HEATR5B: variants seen among roughly 807,000 people sequenced by gnomAD.
The protein encoded by HEATR5B is HEAT repeat-containing protein 5B.
Under a neutral mutation model 224.1 loss-of-function variants are expected in HEATR5B, and 156 were observed. The ratio of observed to expected loss-of-function variants is 0.70; its 90% CI spans 0.61 to 0.80. The LOEUF (loss-of-function observed/expected upper bound fraction) is 0.80. Among genes scored for constraint, HEATR5B ranks in the 30% least tolerant of loss-of-function variants. HEATR5B has a pLI of 0.00. For missense variants in HEATR5B, 2,323 were observed against 2,535.5 expected (o/e 0.92, Z 1.80); for synonymous variants, 1,027 against 893.0 (o/e 1.15, Z -2.68).
At chr2:37,014,856 G>A (rs1460919957) in intron 26 of HEATR5B, among the ~76,000 whole-genome samples, 1 of 151,868 alleles carries the variant, frequency 6.6e-6, no homozygotes, top group Non-Finnish European at 1.5e-5. Context: ...GGTGGCGTGT[G>A]TCTGTAATCC....
Position 37,077,037 on chromosome 2 carries a change from T to C in HEATR5B, c.339-18A>G. 6.5e-7 allele frequency: 1 copy of C among 1,548,034 alleles called. No homozygotes were observed. The highest frequency in any genetic ancestry group is 8.9e-7 in the Non-Finnish European group (1 of 1,121,994). ...CCGCAGCCCTGTAAGAAGTGACAAC[T>C]TCACTAGTCATTGTCCAGGTTAATG... On this transcript the variant is annotated intron_variant, in intron 3 of 35. Coordinates refer to ENST00000233099, the MANE Select transcript of HEATR5B (RefSeq NM_019024.3).
chr2:37,031,716 G>A (rs1011411924), intron 22 of HEATR5B, among the ~76,000 whole-genome samples: 8 of 151,956 alleles, frequency 5.3e-5, no homozygotes, highest in African/African-American at 1.9e-4. Context: ...AAGTTCTTAT[G>A]CTATGCTACA....
chr2:37,079,092 A>C (rs1477851368), intron 3 of HEATR5B, 28 bp downstream of exon 3: 1 of 1,382,226 alleles, frequency 7.2e-7, no homozygotes, highest in Non-Finnish European at 1.0e-6. Flanking sequence ...ATAAAACTTC[A>C]AGGGCCCCTA....
chr2:36,984,225 T>TATATATATATATATATATATATATA (rs1242428169), intron 35 of HEATR5B, among the ~76,000 whole-genome samples: 13 of 75,274 alleles, frequency 1.7e-4, no homozygotes, highest in African/African-American at 7.9e-4. Context: ...AATATATATA[T>TATATATATATATATATATATATATA]ATATATATAT....
intron 25 of HEATR5B, 64 bp from the exon 26 acceptor site, chr2:37,019,941 T>TC: frequency 8.4e-7 from 1 of 1,194,540 alleles, no homozygotes; most frequent in Non-Finnish European, 1.2e-6. Flanking sequence ...TCTTACTCTA[T>TC]CACCCAGGCT....
At chr2:37,066,921 G>A (rs978879668) in intron 8 of HEATR5B, among the ~76,000 whole-genome samples, 5 of 151,872 alleles carry the variant, frequency 3.3e-5, no homozygotes, top group Non-Finnish European at 5.9e-5. Flanking sequence ...CCAGGCTGGA[G>A]TGCGGTGGTG....
intron 35 of HEATR5B, among the ~76,000 whole-genome samples, chr2:36,987,826 T>C (rs888568841): frequency 4.6e-5 from 7 of 152,130 alleles, no homozygotes; most frequent in Admixed American, 4.6e-4. Context: ...TCTAGCACTT[T>C]GAAAGGCCAA....
intron 16 of HEATR5B, among the ~76,000 whole-genome samples, chr2:37,055,879 C>T (rs1670876881): frequency 1.3e-5 from 2 of 152,188 alleles, no homozygotes; most frequent in Admixed American, 1.3e-4. Context: ...AAACTGCCTA[C>T]TAAAGCTAGG....
chr2:37,034,997 C>G (rs1248780184), intron 21 of HEATR5B, among the ~76,000 whole-genome samples: 1 of 152,148 alleles, frequency 6.6e-6, no homozygotes, highest in Admixed American at 6.5e-5. Context: ...AAGTTTCTGC[C>G]TTTTTATTTT....
intron 18 of HEATR5B, among the ~76,000 whole-genome samples, chr2:37,048,995 C>T (rs1670371705): frequency 6.6e-6 from 1 of 152,176 alleles, no homozygotes; most frequent in South Asian, 2.1e-4. Flanking sequence ...ATATAATTTA[C>T]ATAACACAAG....
chr2:36,993,604 T>C (rs1406193172), intron 33 of HEATR5B, among the ~76,000 whole-genome samples: 5 of 151,606 alleles, frequency 3.3e-5, no homozygotes, highest in Admixed American at 3.3e-4. Context: ...TCTCAAAGTA[T>C]TTCCCCACAG....
intron 15 of HEATR5B, among the ~76,000 whole-genome samples, 195 bp from the exon 16 acceptor site, chr2:37,056,810 T>C (rs1019759476): frequency 2.0e-5 from 3 of 152,132 alleles, no homozygotes; most frequent in Non-Finnish European, 4.4e-5. Flanking sequence ...TTATACAAAT[T>C]TTAAGAAAAG....
intron 16 of HEATR5B, among the ~76,000 whole-genome samples, chr2:37,053,985 T>A (rs1670723573): frequency 6.6e-6 from 1 of 151,954 alleles, no homozygotes; most frequent in South Asian, 2.1e-4. Context: ...TTAAATGTAG[T>A]ATAATTCTTT....
Position 37,058,540 on chromosome 2 carries a change from GCTTTCATTA to G in HEATR5B, c.1961_1969del (p.Val654_Lys656del). The stretch of plus-strand genomic sequence containing the variant: ...ACTAGCTTTCAGATGAGCTCCATGG[GCTTTCATTA>G]CAGATGGAATGCTAAAATATCAAAA... On this transcript the variant is annotated inframe_deletion, in exon 14 of 36. Coordinates refer to ENST00000233099, the MANE Select transcript of HEATR5B (RefSeq NM_019024.3). The G allele has an allele frequency of 6.2e-7, 1 of 1,609,780 alleles. No homozygotes were observed. Among genetic ancestry groups the G allele is most frequent in the Non-Finnish European group, 8.5e-7 (1 of 1,176,118 alleles).
In HEATR5B at chr2:37,061,533, C is replaced by T. The variant is rs188809081; in HGVS notation, c.1696+406G>A. 2.6e-3 allele frequency among the ~76,000 whole-genome samples: 393 copies of T among 152,296 alleles called. 2 individuals are homozygous for T. Among genetic ancestry groups the T allele is most frequent in the Non-Finnish European group, 3.2e-3 (219 of 68,032 alleles). On this transcript the variant is annotated intron_variant, in intron 11 of 35. Transcript: ENST00000233099. ...CCTACAATGCAGATTTGTCACACTA[C>T]TTAAGAGTGAAACACATTAAGGGTT...
At chr2:37,047,214 T>G (rs1670262088) in intron 18 of HEATR5B, among the ~76,000 whole-genome samples, 1 of 151,706 alleles carries the variant, frequency 6.6e-6, no homozygotes, top group Admixed American at 6.6e-5. Context: ...TAGCAATGAA[T>G]GAAGTGAAGT....
At chr2:37,071,788 G>A (rs1406621875) in intron 6 of HEATR5B, among the ~76,000 whole-genome samples, 2 of 151,714 alleles carry the variant, frequency 1.3e-5, no homozygotes, top group African/African-American at 2.4e-5. Context: ...GGGTTCATGC[G>A]ATTCTCCTGC....
chr2:37,002,162 C>G, intron 32 of HEATR5B, 144 bp downstream of exon 32: 1 of 901,634 alleles, frequency 1.1e-6, no homozygotes, highest in Non-Finnish European at 1.7e-6. Context: ...TAAAGGTAGA[C>G]AAAACCTTAA....
At chr2:36,996,648 A>G (rs1666736216) in intron 33 of HEATR5B, among the ~76,000 whole-genome samples, 1 of 151,766 alleles carries the variant, frequency 6.6e-6, no homozygotes, top group African/African-American at 2.4e-5. Flanking sequence ...ATGGAGTGCA[A>G]TGGCGTGATT....
Sources: gnomAD v4.1 joint callset for allele counts (sites outside exome capture counted in the v4.1 genomes callset) on GRCh38, gnomAD v4.1.1 for gene constraint, MANE v1.5 for transcripts, NCBI Gene and HGNC (gene_info 2026-07-23, HGNC 2026-07-21) for gene names.